Variants in UCHL5 observed in about 807,000 individuals in gnomAD.
UCHL5 encodes the protein ubiquitin C-terminal hydrolase L5.
Under a neutral mutation model 53.8 loss-of-function variants are expected in UCHL5, and 34 were observed. The observed-to-expected ratio is 0.63, with a 90% CI of 0.48 to 0.84. The LOEUF is 0.84. Among genes scored for constraint, UCHL5 ranks in the 40% least tolerant of loss-of-function variants. The pLI, the probability that UCHL5 is intolerant of heterozygous loss-of-function variation, is 0.00. For missense variants in UCHL5, 290 were observed against 385.6 expected, an observed-to-expected ratio of 0.75 and a Z score of 2.08; for synonymous variants, 111 against 126.3, an observed-to-expected ratio of 0.88 and a Z score of 0.81.
intron 3 of UCHL5, among the ~76,000 whole-genome samples, chr1:193,043,160 A>AAAAAAAAAAAAAC (rs1558122662): frequency 7.0e-6 from 1 of 143,162 alleles, no homozygotes; most frequent in African/African-American, 2.7e-5. Flanking sequence ...TTAAAAAAAA[A>AAAAAAAAAAAAAC]AAAAAAAAAA....
chr1:193,055,330 C>T (rs1240021029), intron 1 of UCHL5, among the ~76,000 whole-genome samples: 1 of 152,092 alleles, frequency 6.6e-6, no homozygotes, highest in African/African-American at 2.4e-5. Context: ...TGGCTAGCAG[C>T]CCCCCTTGTT....
chr1:193,032,340 C>T (rs1321133687), intron 3 of UCHL5, among the ~76,000 whole-genome samples: 1 of 152,098 alleles, frequency 6.6e-6, no homozygotes, highest in East Asian at 1.9e-4. Flanking sequence ...AAAACTGAAG[C>T]TGGACCCCTT....
In UCHL5 at chr1:193,021,188, T is replaced by C. The variant is rs1378466262; in HGVS notation, c.851A>G (p.Asn284Ser). The C allele has an allele frequency of 4.4e-6, 7 of 1,599,480 alleles. No homozygotes were observed. The East Asian group carries it at 1.6e-4, about 36-fold the overall frequency. Residue 284 changes from asparagine to serine, a missense_variant, in exon 10 of 11, where the codon AAT becomes AGT. Physicochemically the swap from Asn to Ser is conservative, Grantham distance 46. Transcript: ENST00000367454. Reference protein sequence around the residue: ...VQKLKRYKIENIRRKHNYLPF... With the variant: ...VQKLKRYKIESIRRKHNYLPF... The stretch of plus-strand genomic sequence containing the variant: ...CAGATAATTATGCTTCCTTCTGATA[T>C]TCTCAATCTGAAAATAAAACATCAA...
intron 1 of UCHL5, among the ~76,000 whole-genome samples, chr1:193,057,024 A>G (rs748668300): frequency 9.2e-5 from 14 of 152,368 alleles, no homozygotes; most frequent in Middle Eastern, 6.8e-3. Context: ...AGGAGTAAAA[A>G]CAAACTTACC....
At chr1:193,048,329 A>G (rs1006774703) in intron 3 of UCHL5, among the ~76,000 whole-genome samples, 2 of 152,240 alleles carry the variant, frequency 1.3e-5, no homozygotes, top group African/African-American at 4.8e-5. Context: ...TGTAAAACTT[A>G]GATCTCCCAC....
At chr1:193,052,142 ATATTAT>A (rs1384475672) in intron 1 of UCHL5, among the ~76,000 whole-genome samples, 1 of 151,902 alleles carries the variant, frequency 6.6e-6, no homozygotes, top group African/African-American at 2.4e-5. Flanking sequence ...CTTTAGCCTT[ATATTAT>A]TATTATTTTT....
chr1:193,037,222 T>C (rs1424685711), intron 3 of UCHL5, among the ~76,000 whole-genome samples: 1 of 150,368 alleles, frequency 6.7e-6, no homozygotes, highest in Non-Finnish European at 1.5e-5. Flanking sequence ...TCAGGAAAGG[T>C]AAACAAAATT....
chr1:193,029,332 G>A, intron 5 of UCHL5, 23 bp from the exon 6 acceptor site: 4 of 1,612,864 alleles, frequency 2.5e-6, no homozygotes, highest in Non-Finnish European at 3.4e-6. Flanking sequence ...AAAAAATAGT[G>A]AAACTCAAAG....
At chr1:193,016,428 T>A (rs1446168368) in intron 10 of UCHL5, 33 bp from the exon 11 acceptor site, 1 of 1,588,798 alleles carries the variant, frequency 6.3e-7, no homozygotes, top group Non-Finnish European at 8.6e-7. Context: ...TACAAAATTT[T>A]AAAAGTCAGT....
intron 7 of UCHL5, among the ~76,000 whole-genome samples, chr1:193,024,822 C>T (rs756942956): frequency 3.3e-5 from 5 of 152,022 alleles, no homozygotes; most frequent in Non-Finnish European, 7.4e-5. Flanking sequence ...GTTTCTCATA[C>T]ACAGTTCTAT....
chr1:193,048,862 T>C (rs1169513009), intron 3 of UCHL5, among the ~76,000 whole-genome samples: 2 of 152,194 alleles, frequency 1.3e-5, no homozygotes, highest in African/African-American at 4.8e-5. Context: ...AAGTTTATTG[T>C]TGTTACTTTC....
At chr1:193,055,478 A>G (rs186359157) in intron 1 of UCHL5, among the ~76,000 whole-genome samples, 1 of 152,360 alleles carries the variant, frequency 6.6e-6, no homozygotes, top group East Asian at 1.9e-4. Flanking sequence ...CCTGCTGCCT[A>G]CTATGCTATA....
intron 1 of UCHL5, among the ~76,000 whole-genome samples, chr1:193,053,745 C>T (rs1357449236): frequency 3.3e-5 from 5 of 152,008 alleles, no homozygotes; most frequent in South Asian, 4.1e-4. Context: ...TACAGACTCC[C>T]CAATAATATA....
At chr1:193,052,718 T>G (rs1669449136) in intron 1 of UCHL5, among the ~76,000 whole-genome samples, 1 of 152,138 alleles carries the variant, frequency 6.6e-6, no homozygotes, top group African/African-American at 2.4e-5. Flanking sequence ...AGAAGATAAT[T>G]TAATTCAGTG....
intron 10 of UCHL5, among the ~76,000 whole-genome samples, chr1:193,016,991 T>C (rs913045849): frequency 1.3e-5 from 2 of 151,820 alleles, no homozygotes; most frequent in South Asian, 2.1e-4. Flanking sequence ...CCAGAGCTTA[T>C]AGATGTTATC....
chr1:193,030,033 T>C (rs543280378), intron 3 of UCHL5, among the ~76,000 whole-genome samples: 59 of 152,332 alleles, frequency 3.9e-4, no homozygotes, highest in Middle Eastern at 3.4e-3. Context: ...TAGTATTTTA[T>C]AACCGAGCAT....
chr1:193,029,113 G>A, intron 6 of UCHL5, 66 bp downstream of exon 6: 1 of 1,554,946 alleles, frequency 6.4e-7, no homozygotes, highest in East Asian at 2.3e-5. Flanking sequence ...AGCACTGAAT[G>A]AGGGTAAATA....
intron 2 of UCHL5, among the ~76,000 whole-genome samples, chr1:193,050,827 GCCTGGGCTAGACTTGAACT>G (rs1668803329): frequency 6.6e-6 from 1 of 151,604 alleles, no homozygotes; most frequent in Admixed American, 6.6e-5. Context: ...TCACTATGTT[GCCTGGGCTAGACTTGAACT>G]CCTGGGCTCA....
At chr1:193,023,791 T>C (rs1198500448) in intron 8 of UCHL5, 53 bp downstream of exon 8, 2 of 1,330,422 alleles carry the variant, frequency 1.5e-6, no homozygotes, top group Non-Finnish European at 2.1e-6. Context: ...TAAATACTTT[T>C]CCTGAGAGAA....
Sources: gnomAD v4.1 joint callset for allele counts (sites outside exome capture counted in the v4.1 genomes callset) on GRCh38, gnomAD v4.1.1 for gene constraint, MANE v1.5 for transcripts, NCBI Gene and HGNC (gene_info 2026-07-23, HGNC 2026-07-21) for gene names.